FGF13: variants seen among roughly 807,000 people sequenced by gnomAD.
FGF13 encodes the protein fibroblast growth factor 13.
In FGF13, 2 loss-of-function variants were observed where a neutral mutation model predicts 19.5. The ratio of observed to expected loss-of-function variants is 0.10; its 90% CI spans 0.04 to 0.32. The LOEUF (loss-of-function observed/expected upper bound fraction) is 0.32, where lower values mean the gene tolerates loss of function less well. Among genes scored for constraint, FGF13 ranks in the 10% least tolerant of loss-of-function variants. FGF13 has a pLI of 1.00. For missense variants in FGF13, 113 were observed against 192.7 expected, an observed-to-expected ratio of 0.59 and a Z score of 2.45; for synonymous variants, 72 against 76.9, an observed-to-expected ratio of 0.94 and a Z score of 0.33.
intron 1 of FGF13, among the ~76,000 whole-genome samples, chrX:138,934,363 G>C (rs139865427): frequency 8.9e-6 from 1 of 112,096 alleles, no homozygotes; most frequent in Non-Finnish European, 1.9e-5. Flanking sequence ...TCAAGATAAG[G>C]AGGAGGAACA....
intron 3 of FGF13, among the ~76,000 whole-genome samples, chrX:138,801,084 A>G (rs923920273): frequency 8.9e-6 from 1 of 111,761 alleles, no homozygotes; most frequent in African/African-American, 3.3e-5. Flanking sequence ...ACTTTTGTCA[A>G]TTTCTCAAAC....
At chrX:139,169,659 G>A (rs1029014659) in intron 1 of FGF13, among the ~76,000 whole-genome samples, 12 of 110,880 alleles carry the variant, frequency 1.1e-4, no homozygotes, top group African/African-American at 3.9e-4. Flanking sequence ...TTCCTTTCAT[G>A]AATTCGGCCT....
At chrX:139,001,902 C>T (rs1399008851) in intron 1 of FGF13, among the ~76,000 whole-genome samples, 1 of 111,764 alleles carries the variant, frequency 8.9e-6, no homozygotes, top group Admixed American at 9.5e-5. Context: ...ATGTTTATTG[C>T]AGCACTGTTC....
Position 138,972,910 on chromosome X carries a change from A to AT in FGF13, c.-112-108261dup, listed in dbSNP as rs145114196. ...TAGATCCTGAATAATTTACTTCATT[A>AT]TTTTTTTTTTCTAGGTAGAAGCCTT... is the stretch of plus-strand genomic sequence containing the variant. On this transcript the variant is annotated intron_variant, in intron 1 of 2. Coordinates refer to the FGF13 transcript ENST00000421460. Among the ~76,000 whole-genome samples, 279 of 107,005 alleles carry AT rather than the reference A, an allele frequency of 2.6e-3. 2 individuals are homozygous for AT. The highest frequency in any genetic ancestry group is 8.9e-3 in the African/African-American group (262 of 29,376). 92.9% of individuals were successfully genotyped at this position (107,005 alleles called of 115,157 possible). A position where few individuals can be genotyped will look rare whatever the true frequency, so the allele number is the denominator to read the frequency against.
intron 1 of FGF13, among the ~76,000 whole-genome samples, chrX:139,190,007 T>C (rs1206012458): frequency 2.7e-5 from 3 of 112,177 alleles, no homozygotes; most frequent in African/African-American, 9.7e-5. Context: ...CTTTTAGTCA[T>C]GAATAAATAC....
At chrX:138,847,153 G>A (rs1203676291) in intron 3 of FGF13, among the ~76,000 whole-genome samples, 1 of 111,926 alleles carries the variant, frequency 8.9e-6, no homozygotes, top group Non-Finnish European at 1.9e-5. Flanking sequence ...AGAAGCCATG[G>A]AGGGGAGAAG....
At chrX:139,090,941 CAAAAAAAAAAAA>C (rs1181771963) in intron 1 of FGF13, among the ~76,000 whole-genome samples, 1 of 32,760 alleles carries the variant, frequency 3.1e-5, no homozygotes, top group Non-Finnish European at 5.6e-5. Flanking sequence ...GACCCTGTCT[CAAAAAAAAAAAA>C]AAAAAAAAAA....
chrX:139,099,132 G>A (rs1026180509), intron 1 of FGF13, among the ~76,000 whole-genome samples: 2 of 110,682 alleles, frequency 1.8e-5, no homozygotes, highest in Admixed American at 9.6e-5. Flanking sequence ...CCCTGCCTAT[G>A]GACACACGCA....
At chrX:138,686,331 T>C (rs2089782533) in intron 3 of FGF13, among the ~76,000 whole-genome samples, 1 of 111,688 alleles carries the variant, frequency 9.0e-6, no homozygotes, top group Non-Finnish European at 1.9e-5. Context: ...ACTGTGCTTA[T>C]AAAAGTGAAA....
rs1443254310 is a variant in FGF13 at position 139,169,926 on chromosome X, G to A, written c.-113+33490C>T. Among the ~76,000 whole-genome samples, 3 of 111,328 alleles carry A rather than the reference G, an allele frequency of 2.7e-5. No individual in the cohort carries two copies. The East Asian group carries it at 8.5e-4, about 32-fold the overall frequency. On this transcript the variant is annotated intron_variant, in intron 1 of 2. Coordinates refer to the FGF13 transcript ENST00000421460. The stretch of plus-strand genomic sequence containing the variant: ...GGAGCACATGAATCTTTTCAGGGCA[G>A]TGGCTTTCAAACTGCATTTGCTGAA...
intron 1 of FGF13, among the ~76,000 whole-genome samples, chrX:139,030,544 A>G (rs1272977975): frequency 9.0e-6 from 1 of 111,705 alleles, no homozygotes; most frequent in East Asian, 2.8e-4. Flanking sequence ...TAACTGGGCC[A>G]AACTAAGAGG....
chrX:139,082,968 A>G (rs765554411), intron 1 of FGF13, among the ~76,000 whole-genome samples: 16 of 111,774 alleles, frequency 1.4e-4, no homozygotes, highest in Admixed American at 9.5e-4. Context: ...TAGGCACTCA[A>G]TGAATGTCAC....
At chrX:139,075,042 AT>A (rs1430739147) in intron 1 of FGF13, among the ~76,000 whole-genome samples, 1 of 112,020 alleles carries the variant, frequency 8.9e-6, no homozygotes, top group Admixed American at 9.5e-5. Flanking sequence ...CTTTTTCCTC[AT>A]AGCACCTACC....
chrX:139,017,273 A>G (rs1177517871), intron 1 of FGF13, among the ~76,000 whole-genome samples: 1 of 108,439 alleles, frequency 9.2e-6, no homozygotes, highest in African/African-American at 3.4e-5. Context: ...TGTTGTTGGG[A>G]GTAATTCTAG....
At chrX:138,780,270 A>C (rs1355040744) in intron 3 of FGF13, among the ~76,000 whole-genome samples, 199 of 106,110 alleles carry the variant, frequency 1.9e-3, no homozygotes, top group Non-Finnish European at 3.3e-3. Flanking sequence ...CGAGCAAAAT[A>C]ACCAGCTAAC....
chrX:138,919,005 T>C (rs1302276391), intron 1 of FGF13, among the ~76,000 whole-genome samples: 3 of 111,563 alleles, frequency 2.7e-5, no homozygotes, highest in African/African-American at 9.8e-5. Context: ...TGTGTATCAA[T>C]TAAGAGCAAA....
chrX:138,786,950 C>A (rs1464069484), intron 3 of FGF13, among the ~76,000 whole-genome samples: 1 of 112,292 alleles, frequency 8.9e-6, no homozygotes. Flanking sequence ...ATTTTCCCTT[C>A]TTTTTGGGAA....
intron 1 of FGF13, among the ~76,000 whole-genome samples, chrX:138,967,733 G>C (rs1045004657): frequency 3.6e-5 from 4 of 111,438 alleles, no homozygotes; most frequent in African/African-American, 1.3e-4. Flanking sequence ...TAAAGGTCAA[G>C]ACAAAATACA....
chrX:138,863,807 C>T (rs2091302318), intron 2 of FGF13, among the ~76,000 whole-genome samples: 1 of 112,090 alleles, frequency 8.9e-6, no homozygotes, highest in African/African-American at 3.2e-5. Flanking sequence ...AGTTGGAAAA[C>T]CAGGAGCCTC....
Sources: allele counts gnomAD v4.1 joint callset (sites outside exome capture counted in the v4.1 genomes callset), GRCh38; gene constraint gnomAD v4.1.1; transcripts MANE v1.5; gene names NCBI Gene and HGNC (gene_info 2026-07-23, HGNC 2026-07-21).